The following PPP1R1C variants were observed in gnomAD, a reference collection of about 807,000 sequenced individuals.
PPP1R1C encodes the protein protein phosphatase 1 regulatory subunit 1C.
A neutral mutation model predicts 17.4 loss-of-function variants in PPP1R1C; 15 were observed. That is an observed-to-expected ratio of 0.86 (90% CI 0.58 to 1.33). The LOEUF (loss-of-function observed/expected upper bound fraction) is 1.33, where lower values mean the gene tolerates loss of function less well. Among genes scored for constraint, PPP1R1C ranks in the 40% most tolerant of loss-of-function variants. The pLI, the probability that PPP1R1C is intolerant of heterozygous loss-of-function variation, is 0.00. For synonymous variants in PPP1R1C, 35 were observed against 43.1 expected (o/e 0.81, Z 0.73); for missense variants, 143 against 130.0 (o/e 1.10, Z -0.48).
intron 2 of PPP1R1C, among the ~76,000 whole-genome samples, chr2:182,015,181 C>G (rs987723295): frequency 7.9e-5 from 12 of 152,090 alleles, no homozygotes; most frequent in African/African-American, 2.9e-4. Flanking sequence ...TTCCATAATT[C>G]CCATATGTTG....
chr2:182,120,805 T>G (rs533990991), downstream of PPP1R1C, among the ~76,000 whole-genome samples: 1 of 152,112 alleles, frequency 6.6e-6, no homozygotes, highest in Non-Finnish European at 1.5e-5. Context: ...TTTAGGGTAA[T>G]ATACAGTATA....
chr2:182,014,250 T>G (rs928663585), intron 2 of PPP1R1C, among the ~76,000 whole-genome samples: 1 of 152,160 alleles, frequency 6.6e-6, no homozygotes, highest in Non-Finnish European at 1.5e-5. Flanking sequence ...TGTATCTGCA[T>G]TAGGAGGCAC....
chr2:182,124,325 T>G (rs1689815460), intron 5 of PPP1R1C, among the ~76,000 whole-genome samples: 4 of 113,798 alleles, frequency 3.5e-5, no homozygotes, highest in Admixed American at 8.8e-5. Context: ...TTTTTTTTTT[T>G]TGTTTTTTTT....
At chr2:182,016,517 C>A (rs1229332259) in intron 2 of PPP1R1C, among the ~76,000 whole-genome samples, 2 of 152,116 alleles carry the variant, frequency 1.3e-5, no homozygotes, top group Non-Finnish European at 2.9e-5. Flanking sequence ...TAGTATTATT[C>A]ACTTTATGTA....
chr2:182,079,649 T>G (rs1047376086), intron 4 of PPP1R1C, among the ~76,000 whole-genome samples: 3 of 152,210 alleles, frequency 2.0e-5, no homozygotes, highest in African/African-American at 7.2e-5. Context: ...CCTTAATAGA[T>G]TCCCACAAAC....
chr2:182,067,905 A>G (rs533654961), intron 4 of PPP1R1C, among the ~76,000 whole-genome samples: 5 of 152,240 alleles, frequency 3.3e-5, no homozygotes, highest in Admixed American at 3.3e-4. Flanking sequence ...TGCCAATATA[A>G]TTGAATGGCA....
chr2:182,056,863 T>C (rs1352829991), intron 2 of PPP1R1C, among the ~76,000 whole-genome samples: 1 of 152,212 alleles, frequency 6.6e-6, no homozygotes, highest in Non-Finnish European at 1.5e-5. Context: ...CATACATCCT[T>C]ATTTTTCCTC....
chr2:182,029,215 T>G (rs2125169420), intron 2 of PPP1R1C, among the ~76,000 whole-genome samples: 1 of 150,316 alleles, frequency 6.7e-6, no homozygotes, highest in East Asian at 2.0e-4. Context: ...CATTTACATT[T>G]AAAGTTAATA....
chr2:182,119,811 T>C (rs1366240267), downstream of PPP1R1C, among the ~76,000 whole-genome samples: 1 of 152,248 alleles, frequency 6.6e-6, no homozygotes, highest in African/African-American at 2.4e-5. Flanking sequence ...TATTAGCCCT[T>C]TGTCAGATGA....
At chr2:182,103,958 A>C (rs79256114) in intron 4 of PPP1R1C, 6,033 of 152,292 alleles carry the variant, frequency 0.04, 190 homozygotes, top group Middle Eastern at 0.082. Context: ...CAAAATACTT[A>C]ATCAAATCTG....
intron 4 of PPP1R1C, among the ~76,000 whole-genome samples, chr2:182,112,911 A>G (rs78415351): frequency 0.012 from 1,888 of 152,302 alleles, 44 homozygotes; most frequent in African/African-American, 0.042. Context: ...GCTACTCCCT[A>G]TGTGAATTAG....
chr2:181,955,137 G>T (rs1684650129), intron 1 of PPP1R1C, among the ~76,000 whole-genome samples: 1 of 152,190 alleles, frequency 6.6e-6, no homozygotes, highest in Non-Finnish European at 1.5e-5. Context: ...GATGAAAAGT[G>T]TGACTCACAG....
chr2:182,044,876 T>C (rs1687296135), intron 2 of PPP1R1C, among the ~76,000 whole-genome samples: 1 of 152,206 alleles, frequency 6.6e-6, no homozygotes, highest in Admixed American at 6.5e-5. Flanking sequence ...TTAAATGTGT[T>C]TTTATTCTAT....
chr2:181,961,478 T>A lies in PPP1R1C; in HGVS notation n.111+6844T>A. The A allele has an allele frequency of 9.0e-7, 1 of 1,114,596 alleles. No individual in the cohort carries two copies. The highest frequency in any genetic ancestry group is 1.3e-6 in the Non-Finnish European group (1 of 757,596). The allele number at this position is 1,114,596 out of a possible 1,614,324, so 69.0% of individuals were successfully genotyped here. Reference sequence around the variant, plus strand: ...AGCAGGATCCTGTTGAGCTGCTCCATCTGCAGGGTGTAGCGGGCCTCCACC... The same window carrying A: ...AGCAGGATCCTGTTGAGCTGCTCCAACTGCAGGGTGTAGCGGGCCTCCACC... On this transcript the variant is annotated intron_variant and non_coding_transcript_variant, in intron 1 of 5. Coordinates refer to the PPP1R1C transcript ENST00000464264. This position sits in a 1 kb window ranked among gnomAD's most constrained non-coding sequence, Gnocchi z 5.8.
chr2:182,098,634 A>C (rs1049000512), intron 4 of PPP1R1C, among the ~76,000 whole-genome samples: 20 of 151,902 alleles, frequency 1.3e-4, no homozygotes, highest in African/African-American at 4.3e-4. Flanking sequence ...TATTTTCTAG[A>C]AAAAAAATCA....
chr2:182,125,497 G>A (rs1470757301), intron 5 of PPP1R1C, among the ~76,000 whole-genome samples: 1 of 152,068 alleles, frequency 6.6e-6, no homozygotes, highest in African/African-American at 2.4e-5. Flanking sequence ...TTGTACCTCT[G>A]GTAGAATTTG....
At chr2:182,014,613 T>C (rs1388775763) in intron 2 of PPP1R1C, among the ~76,000 whole-genome samples, 2 of 151,026 alleles carry the variant, frequency 1.3e-5, no homozygotes, top group Non-Finnish European at 1.5e-5. Flanking sequence ...GCCAGGCTGA[T>C]GTCCTTCCCT....
chr2:181,961,217 A>G lies in PPP1R1C; in HGVS notation n.111+6583A>G. ...GCTTCTGCTGGCTTGATGTCTTAGA[A>G]CTTTGGTGTCATTGGTCTCAGACAC... On this transcript the variant is annotated intron_variant and non_coding_transcript_variant, in intron 1 of 5. Transcript: ENST00000464264. The surrounding 1 kb of genome is among the most constrained non-coding windows in gnomAD (Gnocchi z 5.8). 1.1e-6 allele frequency: 1 copy of G among 897,016 alleles called. No individual in the cohort carries two copies. Among genetic ancestry groups the G allele is most frequent in the Non-Finnish European group, 1.8e-6 (1 of 546,858 alleles). The allele number at this position is 897,016 out of a possible 1,614,324, so 55.6% of individuals were successfully genotyped here.
At chr2:182,063,637 T>C in intron 3 of PPP1R1C, 94 bp from the exon 4 acceptor site, 1 of 946,972 alleles carries the variant, frequency 1.1e-6, no homozygotes, top group Non-Finnish European at 1.7e-6. Flanking sequence ...AAGCTTTTCA[T>C]AACATGGCAC....
Sources: gnomAD v4.1 joint callset for allele counts (sites outside exome capture counted in the v4.1 genomes callset) on GRCh38, gnomAD v4.1.1 for gene constraint, Gnocchi (gnomAD v3.1) non-coding constraint, MANE v1.5 for transcripts, NCBI Gene and HGNC (gene_info 2026-07-23, HGNC 2026-07-21) for gene names.